The following ANKDD1B variants were observed in gnomAD, a reference collection of about 807,000 sequenced individuals.
ANKDD1B encodes the protein ankyrin repeat and death domain containing 1B.
ANKDD1B carries 57 observed loss-of-function variants against 59.7 expected under a neutral mutation model. The ratio of observed to expected loss-of-function variants is 0.95; its 90% confidence interval spans 0.77 to 1.19. ANKDD1B has a LOEUF of 1.19. Ranked by LOEUF, ANKDD1B falls within the 50% of genes most tolerant of loss-of-function variation. ANKDD1B has a pLI of 0.00. For missense variants in ANKDD1B, 602 were observed against 641.9 expected (o/e 0.94, Z 0.67); for synonymous variants, 216 against 239.5 (o/e 0.90, Z 0.91).
At chr5:75,654,835 T>A (rs1204034853) in intron 8 of ANKDD1B, among the ~76,000 whole-genome samples, 1 of 152,158 alleles carries the variant, frequency 6.6e-6, no homozygotes, top group Non-Finnish European at 1.5e-5. Context: ...CGTAGGCGCC[T>A]GTTCCCTCTC....
At chr5:75,639,811 CCTT>C (rs1283824284) in intron 7 of ANKDD1B, among the ~76,000 whole-genome samples, 5 of 152,120 alleles carry the variant, frequency 3.3e-5, no homozygotes, top group Admixed American at 6.5e-5. Context: ...GGGACCAGCT[CCTT>C]CTTTTTCCTC....
intron 9 of ANKDD1B, among the ~76,000 whole-genome samples, chr5:75,657,310 T>TA (rs199504453): frequency 6.6e-6 from 1 of 151,864 alleles, no homozygotes; most frequent in Non-Finnish European, 1.5e-5. Context: ...AGAATACACA[T>TA]AAAAAATAGG....
chr5:75,620,501 T>C, intron 3 of ANKDD1B, 88 bp downstream of exon 3: 1 of 699,534 alleles, frequency 1.4e-6, no homozygotes, highest in South Asian at 1.9e-5. Context: ...TTTCTTCACA[T>C]ACACACAAAA....
chr5:75,618,022 G>C (rs1773757361), intron 2 of ANKDD1B, among the ~76,000 whole-genome samples: 1 of 151,886 alleles, frequency 6.6e-6, no homozygotes, highest in Non-Finnish European at 1.5e-5. Flanking sequence ...GATGTGTTAT[G>C]GGTGTATATA....
intron 1 of ANKDD1B, among the ~76,000 whole-genome samples, chr5:75,614,825 T>C (rs1359371558): frequency 1.3e-5 from 2 of 152,232 alleles, no homozygotes; most frequent in South Asian, 2.1e-4. Context: ...TCCAGTACCA[T>C]TTAGCTGTTC....
At chr5:75,654,029 A>G (rs926560054) in intron 8 of ANKDD1B, among the ~76,000 whole-genome samples, 3 of 152,208 alleles carry the variant, frequency 2.0e-5, no homozygotes, top group African/African-American at 4.8e-5. Flanking sequence ...TTTCATGCTT[A>G]GTGCTTCAAG....
At chr5:75,632,368 T>C (rs1005629750) in intron 5 of ANKDD1B, among the ~76,000 whole-genome samples, 1 of 152,210 alleles carries the variant, frequency 6.6e-6, no homozygotes, top group Admixed American at 6.5e-5. Context: ...TCAACTCTGC[T>C]TTTCACTGTG....
intron 2 of ANKDD1B, among the ~76,000 whole-genome samples, chr5:75,617,993 G>C (rs1581128232): frequency 6.6e-6 from 1 of 151,854 alleles, no homozygotes; most frequent in African/African-American, 2.4e-5. Flanking sequence ...TGGTATGTCT[G>C]TGTATAATGT....
chr5:75,619,821 C>T (rs1773800036), intron 2 of ANKDD1B, among the ~76,000 whole-genome samples: 1 of 152,154 alleles, frequency 6.6e-6, no homozygotes, highest in Non-Finnish European at 1.5e-5. Context: ...TCCCTTCCTC[C>T]CTTCCTTCTT....
At chr5:75,640,903 A>G (rs1055992256) in intron 7 of ANKDD1B, among the ~76,000 whole-genome samples, 1 of 152,204 alleles carries the variant, frequency 6.6e-6, no homozygotes, top group Non-Finnish European at 1.5e-5. Flanking sequence ...CATTCTTTCT[A>G]TTCTTTTGGG....
At chr5:75,661,050 G>A (rs1262923483) in intron 10 of ANKDD1B, among the ~76,000 whole-genome samples, 1 of 151,062 alleles carries the variant, frequency 6.6e-6, no homozygotes, top group African/African-American at 2.4e-5. Flanking sequence ...TTTTCTCTGT[G>A]TGTCAGTTTC....
At chr5:75,666,725 A>C in intron 11 of ANKDD1B, 67 bp from the exon 12 acceptor site, 1 of 1,190,986 alleles carries the variant, frequency 8.4e-7, no homozygotes. Flanking sequence ...AAAAACATAT[A>C]TACTCTGAAA....
intron 3 of ANKDD1B, among the ~76,000 whole-genome samples, chr5:75,623,201 G>A (rs930593604): frequency 6.6e-6 from 1 of 152,064 alleles, no homozygotes; most frequent in African/African-American, 2.4e-5. Context: ...AAGTAGCTGG[G>A]ATTACAGGCA....
chr5:75,647,925 A>G (rs1439471994), intron 7 of ANKDD1B, among the ~76,000 whole-genome samples: 1,398 of 106,808 alleles, frequency 0.013, 18 homozygotes, highest in African/African-American at 0.06. Flanking sequence ...TGCAGCCATA[A>G]AAAATGATGA....
chr5:75,626,791 T>TTG (rs1459348400), intron 5 of ANKDD1B, among the ~76,000 whole-genome samples: 174 of 151,888 alleles, frequency 1.1e-3, no homozygotes, highest in Middle Eastern at 3.4e-3. Context: ...TGTTTTTTTT[T>TTG]TTTGTTTGTT....
At chr5:75,639,916 T>C (rs1435822758) in intron 7 of ANKDD1B, among the ~76,000 whole-genome samples, 1 of 152,238 alleles carries the variant, frequency 6.6e-6, no homozygotes, top group Non-Finnish European at 1.5e-5. Flanking sequence ...TTTTAATTAA[T>C]GTTATTTTTT....
chr5:75,615,199 T>C (rs1773680443), intron 1 of ANKDD1B, among the ~76,000 whole-genome samples: 1 of 152,106 alleles, frequency 6.6e-6, no homozygotes, highest in Admixed American at 6.5e-5. Flanking sequence ...CTGAGCTGAA[T>C]GGATGAGAAG....
chr5:75,615,055 T>C (rs2112950757), intron 1 of ANKDD1B, among the ~76,000 whole-genome samples: 1 of 152,128 alleles, frequency 6.6e-6, no homozygotes, highest in East Asian at 1.9e-4. Context: ...AAAAACAGAC[T>C]GGCACCATGG....
At position 75,666,774 on chromosome 5, in the gene ANKDD1B, C is replaced by T; in HGVS notation, c.1192-18C>T. The T allele has an allele frequency of 6.6e-7, 1 of 1,505,860 alleles. No homozygotes were observed. Among genetic ancestry groups the T allele is most frequent in the Non-Finnish European group, 8.9e-7 (1 of 1,119,656 alleles). The allele number at this position is 1,505,860 out of a possible 1,614,324, so 93.3% of individuals were successfully genotyped here. On this transcript the variant is annotated intron_variant, in intron 11 of 13. Transcript: ENST00000601380. ...AGAACATGTCTGAAATCTTCTGATACAATTATTTTCACTTTAGGAGCATCA... is the reference window on the plus strand; with the variant it reads ...AGAACATGTCTGAAATCTTCTGATATAATTATTTTCACTTTAGGAGCATCA...
Sources: gnomAD v4.1 joint callset for allele counts (sites outside exome capture counted in the v4.1 genomes callset) on GRCh38, gnomAD v4.1.1 for gene constraint, MANE v1.5 for transcripts, NCBI Gene and HGNC (gene_info 2026-07-23, HGNC 2026-07-21) for gene names.